The following KMT2C variants were observed in gnomAD, a reference collection of about 807,000 sequenced individuals.
KMT2C encodes the protein histone-lysine N-methyltransferase 2C.
In KMT2C, 88 loss-of-function variants were observed where a neutral mutation model predicts 507.9. The observed-to-expected ratio is 0.17, with a 90% CI of 0.15 to 0.21. KMT2C has a LOEUF of 0.21. KMT2C is among the 10% of genes least tolerant of loss of function. KMT2C has a pLI of 1.00. For synonymous variants in KMT2C, 2,049 were observed against 2,080.8 expected (o/e 0.98, Z 0.42); for missense variants, 4,954 against 5,957.8 (o/e 0.83, Z 5.55).
rs2129114541 is a variant in KMT2C, at chr7:152,177,281, T to C, written c.8172A>G (p.Thr2724=). 3 of 1,614,000 alleles carry C rather than the reference T, an allele frequency of 1.9e-6. No individual in the cohort carries two copies. The highest frequency in any genetic ancestry group is 1.7e-6 in the Non-Finnish European group (2 of 1,180,030). Residue 2724 remains threonine, a synonymous_variant, in exon 38 of 59, where the codon ACA becomes ACG. Coordinates refer to ENST00000262189, the MANE Select transcript of KMT2C (RefSeq NM_170606.3). The part of the protein sequence containing the change: ...DEDLENLNLD[T]EDGKVVELDT... ...CCAATTCAACTACCTTGCCATCCTC[T>C]GTATCTAAATTTAAGTTTTCAAGAT...
intron 26 of KMT2C, among the ~76,000 whole-genome samples, chr7:152,202,651 T>C (rs1000785346): frequency 5.3e-5 from 8 of 152,168 alleles, no homozygotes; most frequent in African/African-American, 7.2e-5. Flanking sequence ...ACTTGGAAGA[T>C]TGAGTTTTTC....
intron 24 of KMT2C, among the ~76,000 whole-genome samples, chr7:152,205,881 C>G (rs1162773852): frequency 6.6e-6 from 1 of 152,100 alleles, no homozygotes; most frequent in Non-Finnish European, 1.5e-5. Context: ...GGTACATTAG[C>G]TGGAGGATAG....
At chr7:152,327,390 A>G (rs2096838711) in intron 3 of KMT2C, among the ~76,000 whole-genome samples, 1 of 152,222 alleles carries the variant, frequency 6.6e-6, no homozygotes, top group South Asian at 2.1e-4. Flanking sequence ...TAAGATCTGC[A>G]GAAGAACCAA....
At chr7:152,156,087 T>C in intron 45 of KMT2C, 30 bp from the exon 46 acceptor site, 1 of 1,597,900 alleles carries the variant, frequency 6.3e-7, no homozygotes, top group Non-Finnish European at 8.5e-7. Flanking sequence ...AAACCATAAA[T>C]ACATTCAGTC....
intron 1 of KMT2C, among the ~76,000 whole-genome samples, chr7:152,366,155 A>G (rs1229089421): frequency 3.3e-5 from 5 of 152,112 alleles, no homozygotes; most frequent in Admixed American, 2.0e-4. Context: ...GGAACATAAA[A>G]TGATATGGGC....
chr7:152,288,276 G>A, intron 6 of KMT2C, among the ~76,000 whole-genome samples: 1 of 149,246 alleles, frequency 6.7e-6, no homozygotes, highest in Non-Finnish European at 1.5e-5. Flanking sequence ...GCTCAGGCCT[G>A]TAATCCTAGC....
intron 23 of KMT2C, among the ~76,000 whole-genome samples, chr7:152,216,953 T>C (rs2094600392): frequency 6.6e-6 from 1 of 152,198 alleles, no homozygotes; most frequent in Non-Finnish European, 1.5e-5. Context: ...TCCTTGCACC[T>C]CATCAGCACA....
At chr7:152,234,205 C>G (rs1367250412) in intron 16 of KMT2C, among the ~76,000 whole-genome samples, 4 of 151,910 alleles carry the variant, frequency 2.6e-5, no homozygotes, top group Non-Finnish European at 1.5e-5. Context: ...TGGTGAAAAA[C>G]TGTCTCTACT....
intron 1 of KMT2C, among the ~76,000 whole-genome samples, chr7:152,369,425 A>G (rs2097275175): frequency 6.6e-6 from 1 of 152,244 alleles, no homozygotes; most frequent in Non-Finnish European, 1.5e-5. Flanking sequence ...GACTGTTTGT[A>G]AAGATCAATA....
intron 9 of KMT2C, among the ~76,000 whole-genome samples, chr7:152,259,446 GCACACACACACACACACACA>G (rs372982101): frequency 2.2e-5 from 3 of 134,788 alleles, no homozygotes; most frequent in East Asian, 4.5e-4. Context: ...ACACACACGC[GCACACACACACACACACACA>G]CACACACACA....
At chr7:152,317,098 A>T (rs2096729178) in intron 3 of KMT2C, among the ~76,000 whole-genome samples, 1 of 152,194 alleles carries the variant, frequency 6.6e-6, no homozygotes, top group African/African-American at 2.4e-5. Flanking sequence ...TTTTAAAGCT[A>T]TTGCAGAAAA....
At chr7:152,376,994 G>T (rs994607094) in intron 1 of KMT2C, among the ~76,000 whole-genome samples, 1 of 152,026 alleles carries the variant, frequency 6.6e-6, no homozygotes, top group African/African-American at 2.4e-5. Context: ...AGGCCAGCCT[G>T]GGCAACAAGG....
In KMT2C at chr7:152,179,879, T is replaced by C. The variant is rs199592124; in HGVS notation, c.7397A>G (p.Tyr2466Cys). ...CCCCATACTAGCAACATCAGGAGGA[T>C]AGGGTCCACGCTGATCTTTTGGGAA... ...AVFPKDQRGPYPPDVASMGMR... is the reference protein window; with the variant it reads ...AVFPKDQRGPCPPDVASMGMR... Residue 2466 changes from tyrosine (Y) to cysteine (C), a missense_variant, in exon 37 of 59, where the codon TAT becomes TGT. Coordinates refer to ENST00000262189, the MANE Select transcript of KMT2C (RefSeq NM_170606.3). The C allele has an allele frequency of 1.5e-5, 24 of 1,614,054 alleles. No homozygotes were observed. Among genetic ancestry groups the C allele is most frequent in the South Asian group, 1.3e-4 (12 of 91,078 alleles).
chr7:152,357,608 G>C (rs549317207), intron 2 of KMT2C, among the ~76,000 whole-genome samples: 2 of 151,142 alleles, frequency 1.3e-5, no homozygotes, highest in Non-Finnish European at 2.9e-5. Context: ...ACAATATATA[G>C]TACAGAAAAA....
chr7:152,434,285 T>C (rs1468865624), intron 1 of KMT2C, among the ~76,000 whole-genome samples: 1 of 152,184 alleles, frequency 6.6e-6, no homozygotes, highest in Non-Finnish European at 1.5e-5. Flanking sequence ...CCCTCACGAT[T>C]ATCATAGCTA....
At chr7:152,285,816 C>T (rs2096286784) in intron 6 of KMT2C, among the ~76,000 whole-genome samples, 1 of 152,154 alleles carries the variant, frequency 6.6e-6, no homozygotes, top group African/African-American at 2.4e-5. Flanking sequence ...GAAACCCCAT[C>T]TCTACTAAAA....
At chr7:152,171,188 A>T in intron 40 of KMT2C, 76 bp downstream of exon 40, 1 of 909,986 alleles carries the variant, frequency 1.1e-6, no homozygotes, top group Non-Finnish European at 1.7e-6. Context: ...CTAGCAGGGG[A>T]CTTACTCTAA....
chr7:152,283,035 G>C (rs2096246072), intron 6 of KMT2C, among the ~76,000 whole-genome samples: 1 of 152,042 alleles, frequency 6.6e-6, no homozygotes, highest in South Asian at 2.1e-4. Context: ...CAAGTAACCT[G>C]TATTATATTA....
chr7:152,147,974 T>C, intron 52 of KMT2C, 59 bp downstream of exon 52: 1 of 1,470,290 alleles, frequency 6.8e-7, no homozygotes. Context: ...ACAAAATACA[T>C]TCATTAGCCT....
Sources: allele counts gnomAD v4.1 joint callset (sites outside exome capture counted in the v4.1 genomes callset), GRCh38; gene constraint gnomAD v4.1.1; transcripts MANE v1.5; gene names NCBI Gene and HGNC (gene_info 2026-07-23, HGNC 2026-07-21).